The following LAMA2 variants were observed in gnomAD, a reference collection of about 807,000 sequenced individuals.
The protein encoded by LAMA2 is laminin subunit alpha 2, also known as laminin subunit alpha-2.
LAMA2 carries 269 observed loss-of-function variants against 364.8 expected under a neutral mutation model. That is an observed-to-expected ratio of 0.74 (90% CI 0.67 to 0.82). The LOEUF is 0.82. LAMA2 is among the 40% of genes least tolerant of loss of function. The pLI is 0.00. For missense variants in LAMA2, 3,807 were observed against 3,873.2 expected (o/e 0.98, Z 0.45); for synonymous variants, 1,379 against 1,370.6 (o/e 1.01, Z -0.14).
In LAMA2 at chr6:129,098,190, T is replaced by C; in HGVS notation, c.414T>C (p.Tyr138=). Residue 138 remains tyrosine, a synonymous_variant, in exon 4 of 65, where the codon TAT becomes TAC. Coordinates refer to ENST00000421865, the MANE Select transcript of LAMA2 (RefSeq NM_000426.4). ...LDLQQVFQIA[Y]VIVKAANSPR... The stretch of plus-strand genomic sequence containing the variant: ...TTCCCTAGGTGTTCCAGATCGCGTA[T>C]GTGATTGTGAAGGCAGCTAACTCCC... The C allele has an allele frequency of 1.2e-6, 2 of 1,614,084 alleles. No homozygotes were observed. Among genetic ancestry groups the C allele is most frequent in the Non-Finnish European group, 1.7e-6 (2 of 1,179,978 alleles).
intron 2 of LAMA2, among the ~76,000 whole-genome samples, chr6:129,050,744 A>C (rs7764746): frequency 0.21 from 31,419 of 152,166 alleles, 4,480 homozygotes; most frequent in African/African-American, 0.41. Context: ...CTAGAACTGA[A>C]AGTGCCAAAG....
intron 34 of LAMA2, among the ~76,000 whole-genome samples, chr6:129,381,756 T>C (rs767902242): frequency 2.0e-5 from 3 of 152,208 alleles, no homozygotes; most frequent in Non-Finnish European, 2.9e-5. Context: ...CTTTGGTTAA[T>C]ACTCTCCAAA....
intron 53 of LAMA2, among the ~76,000 whole-genome samples, chr6:129,477,232 C>A (rs997438167): frequency 1.3e-5 from 2 of 152,140 alleles, no homozygotes; most frequent in Non-Finnish European, 2.9e-5. Context: ...TATTCAGTTT[C>A]TCATTGAGAC....
intron 57 of LAMA2, 110 bp downstream of exon 57, chr6:129,492,187 A>G: frequency 4.3e-6 from 6 of 1,401,444 alleles, no homozygotes; most frequent in Non-Finnish European, 6.1e-6. Flanking sequence ...GAGGGAAACA[A>G]TGAGGATCTT....
chr6:129,510,775 C>T (rs941168271), intron 62 of LAMA2, among the ~76,000 whole-genome samples: 1 of 151,980 alleles, frequency 6.6e-6, no homozygotes, highest in African/African-American at 2.4e-5. Context: ...CACTCCCATA[C>T]AAAGTAGTGG....
chr6:129,096,240 G>A (rs187049743), intron 3 of LAMA2, among the ~76,000 whole-genome samples: 1 of 152,146 alleles, frequency 6.6e-6, no homozygotes, highest in East Asian at 1.9e-4. Flanking sequence ...CTTTTATAGT[G>A]GTTGATGTAA....
At chr6:128,972,664 A>C (rs1444553912) in intron 1 of LAMA2, among the ~76,000 whole-genome samples, 1 of 152,130 alleles carries the variant, frequency 6.6e-6, no homozygotes, top group East Asian at 1.9e-4. Flanking sequence ...TTGAGAGTGT[A>C]TGCATCAAAT....
intron 11 of LAMA2, 22 bp from the exon 12 acceptor site, chr6:129,192,658 A>T: frequency 6.2e-7 from 1 of 1,609,260 alleles, no homozygotes; most frequent in Non-Finnish European, 8.5e-7. Context: ...AAAATTAATG[A>T]TGACTGTGTG....
intron 34 of LAMA2, among the ~76,000 whole-genome samples, chr6:129,376,537 A>G (rs1778385200): frequency 6.6e-6 from 1 of 152,118 alleles, no homozygotes; most frequent in Admixed American, 6.5e-5. Context: ...GGCTCGTAGG[A>G]TAAAGACCAA....
intron 41 of LAMA2, among the ~76,000 whole-genome samples, chr6:129,430,538 A>C (rs1285871553): frequency 6.6e-6 from 1 of 152,232 alleles, no homozygotes; most frequent in African/African-American, 2.4e-5. Context: ...TCTACATTGC[A>C]CTGATCGAAT....
At chr6:129,209,534 C>T (rs1782943422) in intron 12 of LAMA2, among the ~76,000 whole-genome samples, 1 of 152,184 alleles carries the variant, frequency 6.6e-6, no homozygotes, top group Admixed American at 6.5e-5. Flanking sequence ...TGAGGTTTGA[C>T]TCTGCATCCC....
chr6:129,413,617 C>T (rs1349148514), intron 40 of LAMA2, among the ~76,000 whole-genome samples: 1 of 151,938 alleles, frequency 6.6e-6, no homozygotes, highest in Admixed American at 6.6e-5. Context: ...GAAATTGGTA[C>T]AAAACAATTG....
intron 12 of LAMA2, among the ~76,000 whole-genome samples, chr6:129,218,334 A>G (rs907631885): frequency 1.4e-4 from 22 of 152,286 alleles, no homozygotes; most frequent in African/African-American, 5.3e-4. Flanking sequence ...CTGAGACATA[A>G]TAACTATTCA....
At chr6:129,363,820 GAC>G (rs144489099) in intron 32 of LAMA2, among the ~76,000 whole-genome samples, 26 of 152,332 alleles carry the variant, frequency 1.7e-4, no homozygotes, top group African/African-American at 6.3e-4. Flanking sequence ...TTGGTGTTTA[GAC>G]ACAGTCAATT....
At chr6:128,972,365 A>C (rs551781880) in intron 1 of LAMA2, among the ~76,000 whole-genome samples, 1 of 152,320 alleles carries the variant, frequency 6.6e-6, no homozygotes, top group East Asian at 1.9e-4. Flanking sequence ...TGAGTTACTT[A>C]ACCACACTGA....
chr6:129,120,964 G>A (rs1776771537), intron 4 of LAMA2, among the ~76,000 whole-genome samples: 1 of 152,294 alleles, frequency 6.6e-6, no homozygotes, highest in East Asian at 1.9e-4. Flanking sequence ...ACATGAATCA[G>A]TATGCCCCTT....
intron 42 of LAMA2, 84 bp downstream of exon 42, chr6:129,438,846 A>G: frequency 1.3e-6 from 1 of 783,966 alleles, no homozygotes; most frequent in Admixed American, 1.7e-5. Context: ...TTTTTCTAAG[A>G]TTATTCTGGT....
intron 1 of LAMA2, among the ~76,000 whole-genome samples, chr6:129,032,259 C>A (rs1025624703): frequency 4.6e-5 from 7 of 152,140 alleles, no homozygotes; most frequent in Non-Finnish European, 7.4e-5. Flanking sequence ...GGAAGCTAGA[C>A]CTTCAATAGA....
At chr6:129,222,420 G>T (rs1783920504) in intron 12 of LAMA2, among the ~76,000 whole-genome samples, 1 of 151,644 alleles carries the variant, frequency 6.6e-6, no homozygotes, top group African/African-American at 2.4e-5. Context: ...GTGTACATGT[G>T]CCATGTTGGT....
Sources: gnomAD v4.1 joint callset for allele counts (sites outside exome capture counted in the v4.1 genomes callset) on GRCh38, gnomAD v4.1.1 for gene constraint, MANE v1.5 for transcripts, NCBI Gene and HGNC (gene_info 2026-07-23, HGNC 2026-07-21) for gene names.